WWC2: variants seen among roughly 807,000 people sequenced by gnomAD.
The protein encoded by WWC2 is protein WWC2.
WWC2 carries 101 observed loss-of-function variants against 138.5 expected under a neutral mutation model. The observed-to-expected ratio is 0.73, with a 90% CI of 0.62 to 0.86. The LOEUF is 0.86. Ranked by LOEUF, WWC2 falls within the 40% of genes least tolerant of loss-of-function variation. The pLI is 0.00. For synonymous variants in WWC2, 558 were observed against 538.4 expected, an observed-to-expected ratio of 1.04 and a Z score of -0.50; for missense variants, 1,420 against 1,419.4, an observed-to-expected ratio of 1.00 and a Z score of -0.01.
intron 21 of WWC2, among the ~76,000 whole-genome samples, chr4:183,298,552 A>G (rs1383379230): frequency 1.3e-5 from 2 of 152,274 alleles, no homozygotes; most frequent in Admixed American, 6.5e-5. Flanking sequence ...ACCCTTCCCC[A>G]TTCCTTTCCC....
intron 2 of WWC2, chr4:183,203,510 A>C (rs1233762995): frequency 2.0e-5 from 3 of 151,630 alleles, no homozygotes; most frequent in Non-Finnish European, 4.4e-5. Context: ...CACTCCTTTC[A>C]TTTCCAGTGT....
Position 183,208,077 on chromosome 4 carries a change from G to C in WWC2, c.366G>C (p.Glu122Asp). Residue 122 changes from glutamate (E) to aspartate (D), a missense_variant, in exon 3 of 23, where the codon GAG becomes GAC. Physicochemically the swap from Glu to Asp is conservative, Grantham distance 45. Transcript: ENST00000403733. ...RTQKELYHVK[E>D]QRLALALDEY... ...AGAAGGAACTGTACCATGTGAAGGA[G>C]CAGAGGCTGGCGCTGGCCCTGGATG... 1 of 1,613,912 alleles carries C rather than the reference G, an allele frequency of 6.2e-7. No individual in the cohort carries two copies. The highest frequency in any genetic ancestry group is 8.5e-7 in the Non-Finnish European group (1 of 1,179,840).
chr4:183,184,010 A>G (rs1413286059), intron 1 of WWC2, among the ~76,000 whole-genome samples: 2 of 152,342 alleles, frequency 1.3e-5, no homozygotes, highest in Admixed American at 6.5e-5. Flanking sequence ...CACCTAATGT[A>G]AATTAACCAT....
chr4:183,259,482 C>T (rs11132171), intron 9 of WWC2, among the ~76,000 whole-genome samples, 157 bp from the exon 10 acceptor site: 43,907 of 152,054 alleles, frequency 0.29, 7,555 homozygotes, highest in South Asian at 0.48. Flanking sequence ...TGCAGCTCTG[C>T]CCCCCACACT....
chr4:183,186,011 A>G (rs965667922), intron 1 of WWC2, among the ~76,000 whole-genome samples: 2 of 146,784 alleles, frequency 1.4e-5, no homozygotes, highest in Non-Finnish European at 3.0e-5. Context: ...GCAATGGCGC[A>G]ACCTCGGCTC....
chr4:183,230,277 G>A (rs532945298), intron 4 of WWC2, among the ~76,000 whole-genome samples: 4 of 152,172 alleles, frequency 2.6e-5, no homozygotes, highest in African/African-American at 9.7e-5. Flanking sequence ...AAAACTTAAA[G>A]CTTTAAATGC....
At chr4:183,194,301 C>T (rs939086047) in intron 2 of WWC2, among the ~76,000 whole-genome samples, 2 of 151,994 alleles carry the variant, frequency 1.3e-5, no homozygotes, top group African/African-American at 2.4e-5. Context: ...TTACTGTGGC[C>T]GTGAATGACT....
chr4:183,247,544 A>ATATGCTATATATAC (rs1202185176), intron 6 of WWC2, among the ~76,000 whole-genome samples: 15 of 141,882 alleles, frequency 1.1e-4, no homozygotes, highest in African/African-American at 3.9e-4. Context: ...TATATACTAT[A>ATATGCTATATATAC]TATATACTGT....
At chr4:183,129,410 A>T (rs1732854932) in intron 1 of WWC2, among the ~76,000 whole-genome samples, 1 of 152,188 alleles carries the variant, frequency 6.6e-6, no homozygotes, top group African/African-American at 2.4e-5. Context: ...GTCTTAGCAA[A>T]TGGAAACATG....
chr4:183,247,454 G>A, intron 6 of WWC2, among the ~76,000 whole-genome samples: 1 of 145,950 alleles, frequency 6.9e-6, no homozygotes, highest in African/African-American at 2.5e-5. Flanking sequence ...TATTTGATGT[G>A]ACCATTTAAG....
In WWC2 at chr4:183,269,037, T is replaced by G. The variant is rs748568632; in HGVS notation, c.2274T>G (p.His758Gln). The change falls in exon 15 of 23, where the codon CAT becomes CAG. Residue 758 changes from histidine to glutamine, a missense_variant. His to Gln is a conservative substitution (Grantham distance 24, BLOSUM62 0). Coordinates refer to ENST00000403733, the MANE Select transcript of WWC2 (RefSeq NM_024949.6). The stretch of plus-strand genomic sequence containing the variant: ...GCTGTCTGTTTCGCACAAAAGTTCA[T>G]CCGCCCACAGAATCCATTTTATTCA... ...DVSCLFRTKV[H>Q]PPTESILFND... 1 of 1,613,826 alleles carries G rather than the reference T, an allele frequency of 6.2e-7. No individual in the cohort carries two copies. Among genetic ancestry groups the G allele is most frequent in the Non-Finnish European group, 8.5e-7 (1 of 1,179,896 alleles).
rs1395276736 is a variant in WWC2, at chr4:183,099,527, GC to G, written c.40del (p.Arg14GlyfsTer32). 3 of 1,399,958 alleles carry G rather than the reference GC, an allele frequency of 2.1e-6. No homozygotes were observed. The highest frequency in any genetic ancestry group is 1.5e-5 in the South Asian group (1 of 66,228). The allele number at this position is 1,399,958 out of a possible 1,614,324, so 86.7% of individuals were successfully genotyped here. On this transcript the variant is annotated frameshift_variant, in exon 1 of 23. Coordinates refer to ENST00000403733, the MANE Select transcript of WWC2 (RefSeq NM_024949.6). LOFTEE classifies it high-confidence loss of function. Reference sequence around the variant, plus strand: ...GGGCCGGGAGCGGTCAGCTGCCGCTGCCCCGGGGCTGGGAGGAGGCCAGGGA... The same window carrying G: ...GGGCCGGGAGCGGTCAGCTGCCGCTGCCCGGGGCTGGGAGGAGGCCAGGGA... ...RRAGSGQLPL[P>X]RGWEEARDYD...
At chr4:183,156,001 C>T (rs966400105) in intron 1 of WWC2, among the ~76,000 whole-genome samples, 4 of 147,546 alleles carry the variant, frequency 2.7e-5, no homozygotes, top group African/African-American at 5.0e-5. Flanking sequence ...TTGCCAATTC[C>T]GTTGTGTTGT....
Position 183,261,058 on chromosome 4 carries a change from G to T in WWC2, c.1435G>T (p.Asp479Tyr). The T allele has an allele frequency of 1.2e-6, 2 of 1,614,008 alleles. No homozygotes were observed. The highest frequency in any genetic ancestry group is 1.7e-6 in the Non-Finnish European group (2 of 1,179,894). The change falls in exon 11 of 23, where the codon GAT becomes TAT. Residue 479 changes from aspartate to tyrosine, a missense_variant. Transcript: ENST00000403733. ...LYYSSQSDQI[D>Y]VDYQYKLDFL... is the part of the protein sequence containing the mutation. The stretch of plus-strand genomic sequence containing the variant: ...TTACAGCAGTCAAAGTGATCAGATA[G>T]ATGTGGATTATCAGTATAAACTGGA...
intron 1 of WWC2, among the ~76,000 whole-genome samples, chr4:183,160,963 A>C (rs538689817): frequency 6.6e-6 from 1 of 152,280 alleles, no homozygotes; most frequent in South Asian, 2.1e-4. Flanking sequence ...AGATAGAGCA[A>C]CTTATTAGGA....
intron 4 of WWC2, among the ~76,000 whole-genome samples, chr4:183,231,647 A>C (rs1457787122): frequency 1.3e-5 from 2 of 152,108 alleles, no homozygotes; most frequent in East Asian, 3.9e-4. Flanking sequence ...GTGCTACAGA[A>C]TAGGACATAG....
intron 1 of WWC2, among the ~76,000 whole-genome samples, chr4:183,187,062 A>C (rs986357660): frequency 2.6e-5 from 4 of 152,114 alleles, no homozygotes; most frequent in Non-Finnish European, 5.9e-5. Flanking sequence ...TTCCTGGCCA[A>C]GTCCTAGGGT....
chr4:183,313,920 T>G (rs1739345180), intron 22 of WWC2, among the ~76,000 whole-genome samples: 1 of 150,400 alleles, frequency 6.6e-6, no homozygotes, highest in South Asian at 2.1e-4. Flanking sequence ...TCCTATTGCG[T>G]TTTTATTTGG....
chr4:183,252,473 G>C (rs1737009833), intron 8 of WWC2, among the ~76,000 whole-genome samples: 1 of 152,220 alleles, frequency 6.6e-6, no homozygotes, highest in African/African-American at 2.4e-5. Context: ...CGGGGGTAAT[G>C]TTAACTCTAC....
Sources: gnomAD v4.1 joint callset for allele counts (sites outside exome capture counted in the v4.1 genomes callset) on GRCh38, gnomAD v4.1.1 for gene constraint, MANE v1.5 for transcripts, NCBI Gene and HGNC (gene_info 2026-07-23, HGNC 2026-07-21) for gene names.